The following UBR4 variants were observed in gnomAD, a reference collection of about 807,000 sequenced individuals.
UBR4 encodes the protein ubiquitin protein ligase E3 component n-recognin 4.
In UBR4, 124 loss-of-function variants were observed where a neutral mutation model predicts 575.6. That is an observed-to-expected ratio of 0.22 (90% CI 0.19 to 0.25). The LOEUF is 0.25. UBR4 is among the 10% of genes least tolerant of loss of function. UBR4 has a pLI of 1.00. For synonymous variants in UBR4, 2,455 were observed against 2,473.7 expected, an observed-to-expected ratio of 0.99 and a Z score of 0.22; for missense variants, 4,818 against 6,478.8, an observed-to-expected ratio of 0.74 and a Z score of 8.80.
chr1:19,118,016 G>A (rs774500369), intron 71 of UBR4, 106 bp from the exon 72 acceptor site: 11 of 1,054,904 alleles, frequency 1.0e-5, no homozygotes, highest in Admixed American at 1.9e-5. Context: ...GCCAAAGTGA[G>A]CCCAAAGTGA....
intron 2 of UBR4, among the ~76,000 whole-genome samples, chr1:19,201,440 A>G (rs1384068655): frequency 5.9e-5 from 9 of 152,198 alleles, no homozygotes; most frequent in Non-Finnish European, 8.8e-5. Flanking sequence ...TGAGAAATCA[A>G]TAAAATGCTT....
intron 60 of UBR4, among the ~76,000 whole-genome samples, chr1:19,136,479 G>C (rs1307525406): frequency 6.6e-6 from 1 of 152,062 alleles, no homozygotes. Context: ...ACCACTGAAA[G>C]ATTAAAAACA....
Position 19,185,171 on chromosome 1 carries a change from C to A in UBR4, c.1866G>T (p.Arg622=). The A allele has an allele frequency of 1.2e-6, 2 of 1,614,130 alleles. No homozygotes were observed. The highest frequency in any genetic ancestry group is 1.7e-6 in the Non-Finnish European group (2 of 1,180,012). The change falls in exon 15 of 106, where the codon CGG becomes CGT. Residue 622 remains arginine (R), a synonymous_variant. Coordinates refer to ENST00000375254, the MANE Select transcript of UBR4 (RefSeq NM_020765.3). ...PPPPPLESSP[R]VKSPSKQAPG... is the part of the protein sequence containing the mutation. ...GGGCCTGCTTACTGGGGCTTTTAAC[C>A]CGAGGAGAGCTTTCCAGTGGAGGAG...
intron 102 of UBR4, among the ~76,000 whole-genome samples, 177 bp downstream of exon 102, chr1:19,084,327 T>C (rs192752880): frequency 6.6e-6 from 1 of 152,332 alleles, no homozygotes; most frequent in Non-Finnish European, 1.5e-5. Context: ...TATTGCTTTT[T>C]CTGCATGGCC....
intron 60 of UBR4, among the ~76,000 whole-genome samples, chr1:19,130,292 TC>T (rs2082274175): frequency 6.6e-6 from 1 of 152,304 alleles, no homozygotes; most frequent in Admixed American, 6.5e-5. Flanking sequence ...GTGTGGTAGC[TC>T]ACGTCTTTCA....
At chr1:19,130,335 C>T (rs1247609155) in intron 60 of UBR4, among the ~76,000 whole-genome samples, 2 of 152,094 alleles carry the variant, frequency 1.3e-5, no homozygotes, top group Non-Finnish European at 2.9e-5. Context: ...AGTTCAAGAC[C>T]AGCCAGGGAA....
intron 59 of UBR4, 105 bp downstream of exon 59, chr1:19,138,975 TCTC>T (rs2083510481): frequency 7.5e-7 from 1 of 1,341,210 alleles, no homozygotes; most frequent in Non-Finnish European, 9.8e-7. Context: ...TTTCAATGAG[TCTC>T]TATACCTTTT....
chr1:19,106,605 C>A lies in UBR4; in HGVS notation c.12357G>T (p.Leu4119Phe). The change falls in exon 83 of 106, where the codon TTG (leucine) becomes TTT (phenylalanine). Residue 4119 changes from leucine (L) to phenylalanine (F), a missense_variant. By Grantham distance (22) the Leu-to-Phe change is conservative (BLOSUM62 0). Coordinates refer to ENST00000375254, the MANE Select transcript of UBR4 (RefSeq NM_020765.3). The part of the protein sequence containing the change: ...LSRRGKRTSP[L>F]DLKLGHNNWL... ...AGTTGTTATGCCCCAGTTTGAGATC[C>A]AAGGGGGAGGTCCTCTTCCCCCGAC... is the stretch of plus-strand genomic sequence containing the variant. 6.3e-7 allele frequency: 1 copy of A among 1,591,394 alleles called. No homozygotes were observed.
chr1:19,134,727 C>T (rs531320057), intron 60 of UBR4, among the ~76,000 whole-genome samples: 6 of 150,916 alleles, frequency 4.0e-5, no homozygotes, highest in African/African-American at 1.2e-4. Context: ...CCTCTGTGGA[C>T]AGTGGGGAAG....
chr1:19,167,692 T>A (rs1379078243), intron 28 of UBR4, among the ~76,000 whole-genome samples: 1 of 152,202 alleles, frequency 6.6e-6, no homozygotes, highest in Non-Finnish European at 1.5e-5. Flanking sequence ...ATGGTGGGAA[T>A]TTATCCCACT....
At chr1:19,086,532 C>G (rs1036632224) in intron 100 of UBR4, 147 bp downstream of exon 100, 2 of 1,266,994 alleles carry the variant, frequency 1.6e-6, no homozygotes, top group Non-Finnish European at 2.2e-6. Flanking sequence ...CAAATAACTG[C>G]TTGGGGACCT....
intron 35 of UBR4, 37 bp from the exon 36 acceptor site, chr1:19,161,934 T>A: frequency 6.2e-7 from 1 of 1,610,866 alleles, no homozygotes; most frequent in Non-Finnish European, 8.5e-7. Context: ...TCGAAATATA[T>A]CCCTGCATAT....
intron 103 of UBR4, chr1:19,080,532 C>G (rs2076385097): frequency 6.6e-6 from 1 of 152,184 alleles, no homozygotes; most frequent in African/African-American, 2.4e-5. Flanking sequence ...GAATCCTGGG[C>G]TAAAGCAGAA....
intron 8 of UBR4, among the ~76,000 whole-genome samples, chr1:19,195,046 G>C (rs1434803719): frequency 6.6e-6 from 1 of 151,424 alleles, no homozygotes; most frequent in Non-Finnish European, 1.5e-5. Flanking sequence ...GGATCACGAG[G>C]TCAGGAGATC....
At chr1:19,194,309 T>C (rs1424853254) in intron 8 of UBR4, among the ~76,000 whole-genome samples, 3 of 152,288 alleles carry the variant, frequency 2.0e-5, no homozygotes, top group Admixed American at 6.5e-5. Flanking sequence ...GCGAACTCTA[T>C]GAACCTAAAA....
intron 17 of UBR4, among the ~76,000 whole-genome samples, chr1:19,183,026 C>G (rs2091161769): frequency 6.6e-6 from 1 of 152,154 alleles, no homozygotes; most frequent in African/African-American, 2.4e-5. Flanking sequence ...AGTTCACAGT[C>G]AACGTCCTAG....
intron 60 of UBR4, 141 bp downstream of exon 60, chr1:19,137,866 T>G: frequency 1.1e-6 from 1 of 918,962 alleles, no homozygotes; most frequent in Non-Finnish European, 1.5e-6. Context: ...GACTTTAAAC[T>G]GTTTCAGAAG....
At chr1:19,173,343 C>T in intron 23 of UBR4, 37 bp from the exon 24 acceptor site, 1 of 1,612,676 alleles carries the variant, frequency 6.2e-7, no homozygotes, top group Non-Finnish European at 8.5e-7. Flanking sequence ...TAGGAGATGA[C>T]TATAGGCAAA....
At chr1:19,193,282 TG>T in intron 9 of UBR4, 150 bp downstream of exon 9, 1 of 1,015,658 alleles carries the variant, frequency 9.8e-7, no homozygotes, top group South Asian at 1.6e-5. Flanking sequence ...ATCAACAAGC[TG>T]GATGCCTACC....
Sources: allele counts gnomAD v4.1 joint callset (sites outside exome capture counted in the v4.1 genomes callset), GRCh38; gene constraint gnomAD v4.1.1; transcripts MANE v1.5; gene names NCBI Gene and HGNC (gene_info 2026-07-23, HGNC 2026-07-21).